The following BCL11A variants were observed in gnomAD, a reference collection of about 807,000 sequenced individuals.
BCL11A encodes BCL11 transcription factor A.
A neutral mutation model predicts 55.9 loss-of-function variants in BCL11A; 2 were observed. The ratio of observed to expected loss-of-function variants is 0.04; its 90% CI spans 0.01 to 0.11. The LOEUF (loss-of-function observed/expected upper bound fraction) is 0.11. Among genes scored for constraint, BCL11A ranks in the 10% least tolerant of loss-of-function variants. The pLI, the probability that BCL11A is intolerant of heterozygous loss-of-function variation, is 1.00. For synonymous variants in BCL11A, 465 were observed against 473.4 expected (o/e 0.98, Z 0.23); for missense variants, 817 against 1,137.1 (o/e 0.72, Z 4.05).
intron 2 of BCL11A, among the ~76,000 whole-genome samples, chr2:60,539,188 A>G (rs994103373): frequency 2.0e-5 from 3 of 152,200 alleles, no homozygotes; most frequent in African/African-American, 7.2e-5. Flanking sequence ...CAGCTTTATT[A>G]TGGTGTGGTG....
rs1676175064 is a variant in BCL11A, at chr2:60,460,217, AC to A, written c.*186del. The A allele has an allele frequency of 7.6e-7, 1 of 1,312,720 alleles. No individual in the cohort carries two copies. The highest frequency in any genetic ancestry group is 2.9e-5 in the East Asian group (1 of 34,882). The allele number at this position is 1,312,720 out of a possible 1,614,324, so 81.3% of individuals were successfully genotyped here. On this transcript the variant is annotated 3_prime_UTR_variant, in exon 4 of 4. Coordinates refer to ENST00000642384, the MANE Select transcript of BCL11A (RefSeq NM_022893.4). ...AAAAAGAAAAAGAAAAAGAAAAAAAACAGGTGTGCTGGTGACAAGCACTCTC... is the reference window on the plus strand; with the variant it reads ...AAAAAGAAAAAGAAAAAGAAAAAAAAAGGTGTGCTGGTGACAAGCACTCTC...
intron 2 of BCL11A, chr2:60,536,398 AAC>A (rs1020957359): frequency 1.3e-5 from 2 of 152,146 alleles, no homozygotes; most frequent in Admixed American, 1.3e-4. Flanking sequence ...GCCACATTTT[AAC>A]ATTTATTAGA....
intron 1 of BCL11A, among the ~76,000 whole-genome samples, chr2:60,552,892 C>CG (rs1020376062): frequency 2.9e-5 from 4 of 139,914 alleles, no homozygotes; most frequent in South Asian, 4.5e-4. Context: ...ACTGGCGGGG[C>CG]GGGGGGGGAG....
At chr2:60,548,096 C>G (rs1294429398) in intron 1 of BCL11A, among the ~76,000 whole-genome samples, 1 of 152,210 alleles carries the variant, frequency 6.6e-6, no homozygotes, top group Non-Finnish European at 1.5e-5. Flanking sequence ...TCTTCTCTTA[C>G]ATTTGCTTCC....
intron 2 of BCL11A, chr2:60,534,138 G>T (rs1328350861): frequency 6.6e-6 from 1 of 152,220 alleles, no homozygotes; most frequent in Non-Finnish European, 1.5e-5. Context: ...TCAAAAATCG[G>T]AAACCGTTAG....
At chr2:60,515,947 C>A (rs759315550) in intron 2 of BCL11A, among the ~76,000 whole-genome samples, 7 of 152,334 alleles carry the variant, frequency 4.6e-5, no homozygotes, top group Non-Finnish European at 1.0e-4. Context: ...ATTCTCTGGG[C>A]ACCGCTGGGC....
At chr2:60,548,439 T>A (rs944220775) in intron 1 of BCL11A, among the ~76,000 whole-genome samples, 1 of 152,098 alleles carries the variant, frequency 6.6e-6, no homozygotes, top group African/African-American at 2.4e-5. Context: ...AAAGGTAATG[T>A]GGTTCAAAAC....
At chr2:60,473,086 ATG>A (rs768891311) in intron 2 of BCL11A, among the ~76,000 whole-genome samples, 194 of 148,646 alleles carry the variant, frequency 1.3e-3, no homozygotes, top group African/African-American at 3.9e-3. Context: ...GACTGTGTGC[ATG>A]TGTGTGTATG....
At chr2:60,531,504 TTAA>T (rs1219289023) in intron 2 of BCL11A, among the ~76,000 whole-genome samples, 1 of 152,162 alleles carries the variant, frequency 6.6e-6, no homozygotes, top group Non-Finnish European at 1.5e-5. Context: ...CCAAAAAATA[TTAA>T]TAAAATACAT....
chr2:60,516,989 G>A (rs1668762192), intron 2 of BCL11A, among the ~76,000 whole-genome samples: 1 of 149,776 alleles, frequency 6.7e-6, no homozygotes, highest in Admixed American at 6.6e-5. Flanking sequence ...AAGAAGAAGT[G>A]GCGGAGAATG....
At chr2:60,469,485 C>G (rs1191529615) in intron 2 of BCL11A, among the ~76,000 whole-genome samples, 1 of 152,142 alleles carries the variant, frequency 6.6e-6, no homozygotes, top group Non-Finnish European at 1.5e-5. Flanking sequence ...TCTCACAATA[C>G]AAAGCAATGG....
At chr2:60,539,186 T>C (rs569112033) in intron 2 of BCL11A, among the ~76,000 whole-genome samples, 6 of 152,360 alleles carry the variant, frequency 3.9e-5, no homozygotes, top group Admixed American at 3.9e-4. Flanking sequence ...TACAGCTTTA[T>C]TATGGTGTGG....
At chr2:60,473,096 A>C (rs145082739) in intron 2 of BCL11A, among the ~76,000 whole-genome samples, 1 of 148,844 alleles carries the variant, frequency 6.7e-6, no homozygotes, top group Non-Finnish European at 1.5e-5. Context: ...ATGTGTGTGT[A>C]TGCTTGTGCA....
chr2:60,546,706 G>A lies in BCL11A; in HGVS notation c.56-406C>T, dbSNP rs1670175530. Among the ~76,000 whole-genome samples the A allele has an allele frequency of 6.6e-6, 1 of 152,024 alleles. No homozygotes were observed. Among genetic ancestry groups the A allele is most frequent in the Non-Finnish European group, 1.5e-5 (1 of 67,998 alleles). On this transcript the variant is annotated intron_variant, in intron 1 of 3. Transcript: ENST00000642384. The surrounding 1 kb of genome is among the most constrained non-coding windows in gnomAD (Gnocchi z 4.1). ...AGAAAAACTGGTTAAAAAAAAAAGT[G>A]GATAGAAACCAAATTTGTTTCTTTT...
rs560275292 is a variant in BCL11A at position 60,496,757 on chromosome 2, T to C, written c.386-27924A>G. The stretch of plus-strand genomic sequence containing the variant: ...AGCCACCAGGTAGCCTTTCCCACTC[T>C]AGGTTCCACTGTGAGTGCTCTCTCT... On this transcript the variant is annotated intron_variant, in intron 2 of 3. Transcript: ENST00000642384. 2.5e-4 allele frequency among the ~76,000 whole-genome samples: 37 copies of C among 149,834 alleles called. No individual in the cohort carries two copies. The South Asian group carries it at 5.3e-3, about 22-fold the overall frequency.
Position 60,462,277 on chromosome 2 carries a change from C to T in BCL11A, c.635G>A (p.Gly212Asp), listed in dbSNP as rs780225687. The stretch of plus-strand genomic sequence containing the variant: ...TTCTGCACCTAGTCCTGAAGGGATA[C>T]CAACCCGCGGGGTCAGGGGACTTCC... ...EHGSPLTPRV[G>D]IPSGLGAECP... Residue 212 changes from glycine to aspartate, a missense_variant, in exon 4 of 4, where the codon GGT (glycine) becomes GAT (aspartate). Physicochemically the swap from Gly to Asp is moderately conservative, Grantham distance 94. Around this residue, in one of 4 missense-constraint regions of BCL11A, gnomAD observed 363 missense variants for 486.6 expected, o/e 0.75. Coordinates refer to ENST00000642384, the MANE Select transcript of BCL11A (RefSeq NM_022893.4). The T allele has an allele frequency of 6.2e-7, 1 of 1,614,060 alleles. No homozygotes were observed. The highest frequency in any genetic ancestry group is 1.1e-5 in the South Asian group (1 of 91,066).
chr2:60,494,749 G>A (rs1335512911), intron 2 of BCL11A, among the ~76,000 whole-genome samples: 1 of 152,218 alleles, frequency 6.6e-6, no homozygotes, highest in African/African-American at 2.4e-5. Context: ...AGTTCCTAGA[G>A]CAGAGTAAGT....
At chr2:60,511,728 T>G (rs1679997337) in intron 2 of BCL11A, among the ~76,000 whole-genome samples, 1 of 152,170 alleles carries the variant, frequency 6.6e-6, no homozygotes, top group Non-Finnish European at 1.5e-5. Context: ...GAAAATAAGT[T>G]GAAATAAGTT....
chr2:60,540,961 T>TGA (rs1437147607), intron 2 of BCL11A, among the ~76,000 whole-genome samples: 12 of 150,910 alleles, frequency 8.0e-5, no homozygotes, highest in African/African-American at 2.9e-4. Context: ...TGTGTGTGTG[T>TGA]GTGTGTGTGT....
Sources: allele counts gnomAD v4.1 joint callset (sites outside exome capture counted in the v4.1 genomes callset), GRCh38; gene constraint gnomAD v4.1.1; regional missense constraint gnomAD v4.1.1; non-coding constraint Gnocchi (gnomAD v3.1); transcripts MANE v1.5; gene names NCBI Gene and HGNC (gene_info 2026-07-23, HGNC 2026-07-21).